The following KATNIP variants were observed in gnomAD, a reference collection of about 807,000 sequenced individuals.
The protein encoded by KATNIP is katanin-interacting protein.
KATNIP carries 126 observed loss-of-function variants against 174.0 expected under a neutral mutation model. The ratio of observed to expected loss-of-function variants is 0.72; its 90% CI spans 0.63 to 0.84. The LOEUF (loss-of-function observed/expected upper bound fraction) is 0.84, where lower values mean the gene tolerates loss of function less well. Among genes scored for constraint, KATNIP ranks in the 40% least tolerant of loss-of-function variants. The pLI is 0.00. For synonymous variants in KATNIP, 810 were observed against 835.7 expected (o/e 0.97, Z 0.53); for missense variants, 1,958 against 2,109.7 (o/e 0.93, Z 1.41).
intron 6 of KATNIP, among the ~76,000 whole-genome samples, chr16:27,655,211 T>TGG (rs1164846186): frequency 2.5e-5 from 3 of 120,982 alleles, no homozygotes; most frequent in African/African-American, 1.1e-4. Context: ...TATATATATA[T>TGG]ATATATATAT....
chr16:27,601,122 G>A (rs2075509643), intron 2 of KATNIP, among the ~76,000 whole-genome samples: 1 of 152,142 alleles, frequency 6.6e-6, no homozygotes, highest in African/African-American at 2.4e-5. Context: ...TTGAGGCCAG[G>A]GATTTTTGTC....
chr16:27,677,627 A>T, intron 6 of KATNIP, 102 bp from the exon 7 acceptor site: 1 of 1,188,970 alleles, frequency 8.4e-7, no homozygotes, highest in Non-Finnish European at 1.2e-6. Flanking sequence ...GTTAAATGTT[A>T]GTTTGGGGAG....
intron 2 of KATNIP, among the ~76,000 whole-genome samples, chr16:27,588,707 C>A (rs142944721): frequency 6.6e-6 from 1 of 152,072 alleles, no homozygotes. Context: ...AAAATTAAAT[C>A]GCAAAATAAT....
chr16:27,762,382 C>T (rs1196084524), intron 19 of KATNIP, among the ~76,000 whole-genome samples: 1 of 152,198 alleles, frequency 6.6e-6, no homozygotes, highest in African/African-American at 2.4e-5. Flanking sequence ...CTATGCGAAG[C>T]AGGTGACACA....
At chr16:27,628,091 C>A (rs1170153519) in intron 3 of KATNIP, among the ~76,000 whole-genome samples, 1 of 152,192 alleles carries the variant, frequency 6.6e-6, no homozygotes, top group Non-Finnish European at 1.5e-5. Flanking sequence ...TAGAATATGA[C>A]ATGATGGCCT....
At position 27,721,427 on chromosome 16, in the gene KATNIP, T is replaced by C. The variant is rs995413910; in HGVS notation, c.1606-131T>C. On this transcript the variant is annotated intron_variant, in intron 13 of 27. Transcript: ENST00000261588. ...CCCAGCCTGGGTGATGGCAACGGGGTGGCCTGGCTGTCTGCCCTGAGCCCT... is the reference window on the plus strand; with the variant it reads ...CCCAGCCTGGGTGATGGCAACGGGGCGGCCTGGCTGTCTGCCCTGAGCCCT... 6.8e-6 allele frequency: 7 copies of C among 1,027,258 alleles called. No individual in the cohort carries two copies. The Admixed American group carries it at 1.4e-4, about 20-fold the overall frequency. 63.6% of individuals were successfully genotyped at this position (1,027,258 alleles called of 1,614,324 possible).
At chr16:27,704,132 T>A in intron 12 of KATNIP, 134 bp downstream of exon 12, 1 of 655,154 alleles carries the variant, frequency 1.5e-6, no homozygotes. Flanking sequence ...GCCCCCCCCC[T>A]CCCTGGCACA....
At chr16:27,662,114 AG>A (rs1452997137) in intron 6 of KATNIP, among the ~76,000 whole-genome samples, 3 of 132,190 alleles carry the variant, frequency 2.3e-5, no homozygotes, top group Admixed American at 8.1e-5. Context: ...ATATATATAT[AG>A]TATAAATGGG....
At chr16:27,672,712 C>T (rs536961626) in intron 6 of KATNIP, among the ~76,000 whole-genome samples, 8 of 152,154 alleles carry the variant, frequency 5.3e-5, no homozygotes, top group Non-Finnish European at 1.0e-4. Context: ...GCCACTTAAT[C>T]GCTGTGAGAA....
At chr16:27,690,356 AGATAGATG>A (rs1285419074) in intron 8 of KATNIP, among the ~76,000 whole-genome samples, 5 of 111,540 alleles carry the variant, frequency 4.5e-5, no homozygotes, top group African/African-American at 1.7e-4. Context: ...ATAGATAGAT[AGATAGATG>A]ATAGATAGAT....
Position 27,761,495 on chromosome 16 carries a change from C to G in KATNIP, c.3714C>G (p.Gly1238=). 6.2e-7 allele frequency: 1 copy of G among 1,614,062 alleles called. No homozygotes were observed. ...GCCTGGAAGTGGTGGGCAAGGAGGG[C>G]CAGGCGCTGCCCATCCACCTGCACC... The part of the protein sequence containing the change: ...LTGLEVVGKE[G]QALPIHLHQI... The change falls in exon 19 of 28, where the codon GGC becomes GGG. Residue 1238 remains glycine (G), a synonymous_variant. Coordinates refer to ENST00000261588, the MANE Select transcript of KATNIP (RefSeq NM_015202.5).
chr16:27,637,587 C>T lies in KATNIP; in HGVS notation c.408+6425C>T, dbSNP rs978291904. On this transcript the variant is annotated intron_variant, in intron 5 of 27. Coordinates refer to ENST00000261588, the MANE Select transcript of KATNIP (RefSeq NM_015202.5). The surrounding 1 kb of genome is among the most constrained non-coding windows in gnomAD (Gnocchi z 4.7). ...CCTGAGAGTTACCTGGAGCCAGCCC[C>T]GGAAAGATCTGTGGCTGGGGGAGGC... Among the ~76,000 whole-genome samples, 4 of 152,090 alleles carry T rather than the reference C, an allele frequency of 2.6e-5. No homozygotes were observed. The highest frequency in any genetic ancestry group is 1.9e-4 in the East Asian group (1 of 5,174).
intron 5 of KATNIP, among the ~76,000 whole-genome samples, chr16:27,642,149 T>C (rs2076820115): frequency 1.3e-5 from 2 of 152,140 alleles, no homozygotes; most frequent in African/African-American, 4.8e-5. Context: ...AATGATAGAT[T>C]GGATTAACAA....
At chr16:27,771,524 G>A in intron 21 of KATNIP, 64 bp from the exon 22 acceptor site, 2 of 1,512,998 alleles carry the variant, frequency 1.3e-6, no homozygotes, top group Middle Eastern at 1.7e-4. Context: ...TACCTAGGGG[G>A]TAACTGGCTG....
chr16:27,770,603 A>T (rs1480372369), intron 21 of KATNIP, among the ~76,000 whole-genome samples: 2 of 152,206 alleles, frequency 1.3e-5, no homozygotes, highest in Non-Finnish European at 2.9e-5. Flanking sequence ...ATTTAATTGT[A>T]ACATTGCCCT....
intron 13 of KATNIP, among the ~76,000 whole-genome samples, chr16:27,712,555 T>C (rs1479020892): frequency 6.6e-6 from 1 of 152,108 alleles, no homozygotes; most frequent in Non-Finnish European, 1.5e-5. Flanking sequence ...GAGGCTGGGT[T>C]TGAAAGAGAA....
At position 27,776,936 on chromosome 16, in the gene KATNIP, G is replaced by T; in HGVS notation, c.4458G>T (p.Arg1486=). ...GTGCCGCTCTCTGACAGGTGAACCG[G>T]GTTTATGTGATTTTCGATCTGCCTA... ...LAPILPGLVN[R]VYVIFDLPTT... The change falls in exon 25 of 28, where the codon CGG becomes CGT. Residue 1486 remains arginine, a synonymous_variant. Coordinates refer to ENST00000261588, the MANE Select transcript of KATNIP (RefSeq NM_015202.5). This position sits in a 1 kb window ranked among gnomAD's most constrained non-coding sequence, Gnocchi z 4.7. 6.2e-7 allele frequency: 1 copy of T among 1,611,258 alleles called. No individual in the cohort carries two copies. Among genetic ancestry groups the T allele is most frequent in the Non-Finnish European group, 8.5e-7 (1 of 1,177,454 alleles).
Position 27,550,149 on chromosome 16 carries a change from C to G in KATNIP, c.-22C>G. On this transcript the variant is annotated 5_prime_UTR_variant, in exon 1 of 28. Transcript: ENST00000261588. ...GTAGAGGCCGCTTCCGGTTCGAGCT[C>G]CCGGAACCGCCGCCTCTAGGGATGG... 1 of 1,612,536 alleles carries G rather than the reference C, an allele frequency of 6.2e-7. No homozygotes were observed. The highest frequency in any genetic ancestry group is 8.5e-7 in the Non-Finnish European group (1 of 1,178,926).
chr16:27,703,180 A>G (rs1391287151), intron 11 of KATNIP, among the ~76,000 whole-genome samples: 1 of 151,798 alleles, frequency 6.6e-6, no homozygotes, highest in Non-Finnish European at 1.5e-5. Context: ...AAAAAAAAAA[A>G]GAAAGAAAGA....
Sources: gnomAD v4.1 joint callset for allele counts (sites outside exome capture counted in the v4.1 genomes callset) on GRCh38, gnomAD v4.1.1 for gene constraint, Gnocchi (gnomAD v3.1) non-coding constraint, MANE v1.5 for transcripts, NCBI Gene and HGNC (gene_info 2026-07-23, HGNC 2026-07-21) for gene names.